The following SSH1 variants were observed in gnomAD, a reference collection of about 807,000 sequenced individuals.
SSH1 encodes protein phosphatase Slingshot homolog 1.
SSH1 carries 43 observed loss-of-function variants against 79.7 expected under a neutral mutation model. The ratio of observed to expected loss-of-function variants is 0.54; its 90% CI spans 0.42 to 0.70. The LOEUF is 0.70. SSH1 is among the 30% of genes least tolerant of loss of function. SSH1 has a pLI of 0.00. For missense variants in SSH1, 1,206 were observed against 1,358.8 expected (o/e 0.89, Z 1.77); for synonymous variants, 599 against 538.3 (o/e 1.11, Z -1.56).
At chr12:108,791,822 A>G (rs1044460453) in intron 14 of SSH1, 8 of 530,060 alleles carry the variant, frequency 1.5e-5, no homozygotes, top group East Asian at 5.7e-5. Flanking sequence ...ACAGGTATCT[A>G]TATCTAAATC....
Position 108,787,434 on chromosome 12 carries a change from A to G in SSH1, c.*554T>C, listed in dbSNP as rs2036311678. ...AAAGTCTTGACACGTCTGGGGTCCC[A>G]ACCAAAACACAAAACGAAAAATTCT... On this transcript the variant is annotated 3_prime_UTR_variant, in exon 15 of 15. Coordinates refer to ENST00000326495, the MANE Select transcript of SSH1 (RefSeq NM_018984.4). 1.3e-5 allele frequency: 2 copies of G among 159,178 alleles called. No individual in the cohort carries two copies. The highest frequency in any genetic ancestry group is 3.2e-3 in the Middle Eastern group (1 of 308). 9.9% of individuals were successfully genotyped at this position (159,178 alleles called of 1,614,324 possible). A position where few individuals can be genotyped will look rare whatever the true frequency, so the allele number is the denominator to read the frequency against.
intron 5 of SSH1, among the ~76,000 whole-genome samples, chr12:108,812,710 A>G (rs2037675982): frequency 6.6e-6 from 1 of 152,242 alleles, no homozygotes; most frequent in Admixed American, 6.5e-5. Flanking sequence ...TAGAGCCAGG[A>G]GCATGGAACA....
In SSH1 at chr12:108,783,374, A is replaced by T. The variant is rs2036182741; in HGVS notation, c.*4614T>A. 1 of 152,290 alleles carries T rather than the reference A, an allele frequency of 6.6e-6. No homozygotes were observed. Among genetic ancestry groups the T allele is most frequent in the East Asian group, 1.9e-4 (1 of 5,208 alleles). 9.4% of individuals were successfully genotyped at this position (152,290 alleles called of 1,614,324 possible). Reference sequence around the variant, plus strand: ...ACAAGACCAAGTATCCAATCATAACAGATGAGACTTTAACAGTTTTGCATA... The same window carrying T: ...ACAAGACCAAGTATCCAATCATAACTGATGAGACTTTAACAGTTTTGCATA... On this transcript the variant is annotated 3_prime_UTR_variant, in exon 15 of 15. Transcript: ENST00000326495.
chr12:108,831,159 TA>T (rs2038463145), intron 2 of SSH1, among the ~76,000 whole-genome samples: 1 of 152,116 alleles, frequency 6.6e-6, no homozygotes, highest in Non-Finnish European at 1.5e-5. Context: ...AGAGGCCCTG[TA>T]AAGGGTCCCA....
In SSH1 at chr12:108,807,732, T is replaced by C. The variant is rs1350787598; in HGVS notation, c.632A>G (p.Glu211Gly). Residue 211 changes from glutamate (E) to glycine (G), a missense_variant, in exon 8 of 15, where the codon GAG becomes GGG. Coordinates refer to ENST00000326495, the MANE Select transcript of SSH1 (RefSeq NM_018984.4). The surrounding 1 kb of genome is among the most constrained non-coding windows in gnomAD (Gnocchi z 5.2). ...GVALIWATYYESCISSEQSCI... is the reference protein window; with the variant it reads ...GVALIWATYYGSCISSEQSCI... Reference sequence around the variant, plus strand: ...GCTCTGCTCGGAGCTGATGCAGCTCTCATAGTAGGTAGCCCAGATGAGAGC... The same window carrying C: ...GCTCTGCTCGGAGCTGATGCAGCTCCCATAGTAGGTAGCCCAGATGAGAGC... The C allele has an allele frequency of 6.2e-7, 1 of 1,613,370 alleles. No homozygotes were observed. Among genetic ancestry groups the C allele is most frequent in the Admixed American group, 1.7e-5 (1 of 59,978 alleles).
chr12:108,847,256 T>C (rs549495041), intron 2 of SSH1, among the ~76,000 whole-genome samples: 2 of 152,288 alleles, frequency 1.3e-5, no homozygotes, highest in East Asian at 3.9e-4. Flanking sequence ...GTGTCATCCC[T>C]GTTTTATAGG....
At chr12:108,828,440 A>T (rs1011669050) in intron 2 of SSH1, among the ~76,000 whole-genome samples, 10 of 152,206 alleles carry the variant, frequency 6.6e-5, no homozygotes, top group African/African-American at 2.4e-4. Flanking sequence ...AATGAAAATC[A>T]GAGCCATTAT....
intron 11 of SSH1, among the ~76,000 whole-genome samples, chr12:108,801,570 G>C (rs760892892): frequency 6.6e-6 from 1 of 152,136 alleles, no homozygotes; most frequent in Admixed American, 6.5e-5. Context: ...GCACAGAAGA[G>C]TATGGCCTTA....
At chr12:108,791,036 A>G (rs1288135500) in intron 14 of SSH1, among the ~76,000 whole-genome samples, 16 of 152,248 alleles carry the variant, frequency 1.1e-4, no homozygotes, top group Non-Finnish European at 1.2e-4. Context: ...TGGCAACTCC[A>G]AGAGACTAAT....
At chr12:108,811,709 A>T in intron 5 of SSH1, 1 of 344,182 alleles carries the variant, frequency 2.9e-6, no homozygotes, top group Non-Finnish European at 5.7e-6. Flanking sequence ...GCGTGCTCAC[A>T]CCGTTCCCGG....
chr12:108,826,031 G>C (rs17040979), intron 2 of SSH1: 9,711 of 426,312 alleles, frequency 0.023, 157 homozygotes, highest in Non-Finnish European at 0.03. Flanking sequence ...CATCGAAGCA[G>C]CTGGGAAAAT....
intron 1 of SSH1, among the ~76,000 whole-genome samples, chr12:108,855,225 A>C (rs2039120335): frequency 6.6e-6 from 1 of 152,242 alleles, no homozygotes. Flanking sequence ...TGAGTCAAAG[A>C]AGCCAGACAC....
rs1274183728 is a variant in SSH1 at position 108,786,711 on chromosome 12, G to A, written c.*1277C>T. 3 of 152,174 alleles carry A rather than the reference G, an allele frequency of 2.0e-5. No individual in the cohort carries two copies. Among genetic ancestry groups the A allele is most frequent in the Non-Finnish European group, 4.4e-5 (3 of 68,026 alleles). The allele number at this position is 152,174 out of a possible 1,614,324, so 9.4% of individuals were successfully genotyped here. A position where few individuals can be genotyped will look rare whatever the true frequency, so the allele number is the denominator to read the frequency against. ...AGAGGAAAAACCATTCCTAGCTCAC[G>A]GGGCCACATGCCATAGTTTGCTGAC... On this transcript the variant is annotated 3_prime_UTR_variant, in exon 15 of 15. Coordinates refer to ENST00000326495, the MANE Select transcript of SSH1 (RefSeq NM_018984.4).
At chr12:108,796,645 T>C (rs887947199) in intron 13 of SSH1, among the ~76,000 whole-genome samples, 2 of 152,260 alleles carry the variant, frequency 1.3e-5, no homozygotes, top group Admixed American at 6.5e-5. Context: ...GTGGATAATG[T>C]TGCTATAAGC....
intron 11 of SSH1, among the ~76,000 whole-genome samples, chr12:108,801,565 G>T (rs1321783863): frequency 6.6e-6 from 1 of 152,140 alleles, no homozygotes; most frequent in Non-Finnish European, 1.5e-5. Context: ...CGAAAGCACA[G>T]AAGAGTATGG....
chr12:108,841,041 T>C (rs2038765021), intron 2 of SSH1, among the ~76,000 whole-genome samples: 1 of 152,374 alleles, frequency 6.6e-6, no homozygotes, highest in Non-Finnish European at 1.5e-5. Flanking sequence ...TGAGGACTCA[T>C]TCTTAAATTT....
At chr12:108,842,815 C>T (rs118014093) in intron 2 of SSH1, among the ~76,000 whole-genome samples, 1,698 of 152,240 alleles carry the variant, frequency 0.011, 26 homozygotes, top group East Asian at 0.037. Context: ...TCAGCTCTAC[C>T]GTTTACTACT....
In SSH1 at chr12:108,794,055, G is replaced by A. The variant is rs565629393; in HGVS notation, c.1350-1226C>T. 1.7e-3 allele frequency among the ~76,000 whole-genome samples: 258 copies of A among 152,278 alleles called. 1 individual carries two copies. The highest frequency in any genetic ancestry group is 0.011 in the South Asian group (52 of 4,824). On this transcript the variant is annotated intron_variant, in intron 13 of 14. Transcript: ENST00000326495. ...GCCTGGGGACCTGTCCAGCCCTTCC[G>A]ACAGTGAAGGAGTCCACAGTTGGCC...
chr12:108,794,830 T>C (rs2036672436), intron 13 of SSH1, among the ~76,000 whole-genome samples: 2 of 151,386 alleles, frequency 1.3e-5, no homozygotes, highest in South Asian at 2.1e-4. Flanking sequence ...ACCATGGCAA[T>C]GTAAATTGCC....
Sources: gnomAD v4.1 joint callset for allele counts (sites outside exome capture counted in the v4.1 genomes callset) on GRCh38, gnomAD v4.1.1 for gene constraint, Gnocchi (gnomAD v3.1) non-coding constraint, MANE v1.5 for transcripts, NCBI Gene and HGNC (gene_info 2026-07-23, HGNC 2026-07-21) for gene names.